The following ITPR2 variants were observed in gnomAD, a reference collection of about 807,000 sequenced individuals.
ITPR2 encodes inositol 1,4,5-trisphosphate receptor type 2, also known as inositol 1,4,5-trisphosphate-gated calcium channel ITPR2.
In ITPR2, 207 loss-of-function variants were observed where a neutral mutation model predicts 317.1. That is an observed-to-expected ratio of 0.65 (90% CI 0.58 to 0.73). The LOEUF (loss-of-function observed/expected upper bound fraction) is 0.73, where lower values mean the gene tolerates loss of function less well. ITPR2 is among the 30% of genes least tolerant of loss of function. The pLI is 0.00. For synonymous variants in ITPR2, 1,156 were observed against 1,149.1 expected (o/e 1.01, Z -0.12); for missense variants, 2,613 against 3,284.0 (o/e 0.80, Z 4.99).
intron 51 of ITPR2, 24 bp from the exon 52 acceptor site, chr12:26,411,436 T>C (rs1186077183): frequency 4.0e-6 from 6 of 1,488,396 alleles, no homozygotes; most frequent in East Asian, 2.3e-5. Flanking sequence ...AAGTAGTATA[T>C]AATATAGAGT....
intron 2 of ITPR2, among the ~76,000 whole-genome samples, chr12:26,744,100 T>C (rs936981953): frequency 1.3e-5 from 2 of 152,244 alleles, no homozygotes; most frequent in African/African-American, 4.8e-5. Context: ...CAGCAAGCAC[T>C]GTAAGCCTGT....
chr12:26,614,131 T>C (rs1181157379), intron 26 of ITPR2, among the ~76,000 whole-genome samples: 1 of 152,092 alleles, frequency 6.6e-6, no homozygotes. Flanking sequence ...TATAAACCTA[T>C]TTTAAGTACA....
intron 55 of ITPR2, among the ~76,000 whole-genome samples, chr12:26,359,197 G>C (rs1305136057): frequency 6.6e-6 from 1 of 152,184 alleles, no homozygotes; most frequent in Non-Finnish European, 1.5e-5. Context: ...AAATACAGAG[G>C]TCAAAATGGA....
At chr12:26,504,674 A>G (rs531225058) in intron 37 of ITPR2, among the ~76,000 whole-genome samples, 23 of 152,330 alleles carry the variant, frequency 1.5e-4, no homozygotes, top group South Asian at 4.1e-4. Flanking sequence ...AATCACATCA[A>G]TGTATGCTCT....
chr12:26,726,427 TGAG>T (rs1316293942), intron 2 of ITPR2, among the ~76,000 whole-genome samples: 1 of 152,196 alleles, frequency 6.6e-6, no homozygotes, highest in Non-Finnish European at 1.5e-5. Context: ...TTATTTTCAA[TGAG>T]GAGAATGGAA....
At chr12:26,530,354 G>A (rs1026856030) in intron 37 of ITPR2, among the ~76,000 whole-genome samples, 19 of 152,176 alleles carry the variant, frequency 1.2e-4, no homozygotes, top group Non-Finnish European at 1.8e-4. Flanking sequence ...AAATTATCTG[G>A]ATTACTCTCT....
chr12:26,622,884 G>A lies in ITPR2; in HGVS notation c.3123-479C>T, dbSNP rs553982360. ...ACAGGTGTGGCGTATGAGGACTCTGGGTGAGGTTCCACTGGAACAAAAGGT... is the reference window on the plus strand; with the variant it reads ...ACAGGTGTGGCGTATGAGGACTCTGAGTGAGGTTCCACTGGAACAAAAGGT... On this transcript the variant is annotated intron_variant, in intron 24 of 56. Transcript: ENST00000381340. 1.8e-4 allele frequency among the ~76,000 whole-genome samples: 27 copies of A among 152,262 alleles called. No homozygotes were observed. In the East Asian group the frequency reaches 4.6e-3, roughly 26 times the overall value.
intron 26 of ITPR2, among the ~76,000 whole-genome samples, chr12:26,606,190 GAA>G: frequency 6.7e-6 from 1 of 148,192 alleles, no homozygotes; most frequent in Non-Finnish European, 1.5e-5. Flanking sequence ...AATGGGCCTA[GAA>G]AAAAAAAAAA....
intron 45 of ITPR2, among the ~76,000 whole-genome samples, chr12:26,448,003 A>AAAAG (rs1941652121): frequency 8.1e-6 from 1 of 122,878 alleles, no homozygotes; most frequent in Non-Finnish European, 1.8e-5. Flanking sequence ...ACTTTTTTTT[A>AAAAG]AAAAAAAAAA....
Position 26,833,027 on chromosome 12 carries a change from G to A in ITPR2, c.-246C>T, listed in dbSNP as rs988336119. The A allele has an allele frequency of 6.3e-6, 3 of 475,470 alleles. No homozygotes were observed. The highest frequency in any genetic ancestry group is 5.8e-5 in the South Asian group (2 of 34,712). The allele number at this position is 475,470 out of a possible 1,614,324, so 29.5% of individuals were successfully genotyped here. On this transcript the variant is annotated 5_prime_UTR_variant, in exon 1 of 57. Coordinates refer to ENST00000381340, the MANE Select transcript of ITPR2 (RefSeq NM_002223.4). ...GAAGAGCGCAGCCCAGGCGCCCAGA[G>A]AAGCCGCAGCCGCCGCCGCCTCCCC...
chr12:26,470,174 T>C (rs2136807969), intron 45 of ITPR2, among the ~76,000 whole-genome samples: 1 of 152,342 alleles, frequency 6.6e-6, no homozygotes, highest in South Asian at 2.1e-4. Context: ...CCTCCTATAA[T>C]TCCTGCAAAT....
intron 13 of ITPR2, among the ~76,000 whole-genome samples, chr12:26,673,451 C>A (rs374683400): frequency 1.3e-5 from 2 of 151,902 alleles, no homozygotes; most frequent in Admixed American, 1.3e-4. Flanking sequence ...AACCACATGA[C>A]TATCTCAATA....
In ITPR2 at chr12:26,415,512, GA is replaced by G. The variant is rs1940694730; in HGVS notation, c.7111-15del. On this transcript the variant is annotated splice_polypyrimidine_tract_variant and intron_variant, in intron 50 of 56. Coordinates refer to ENST00000381340, the MANE Select transcript of ITPR2 (RefSeq NM_002223.4). Reference sequence around the variant, plus strand: ...CAAATCAAAAAGCTACAAAGATAAAGAAAACACTAATAAGAAAAGAAGGCAT... The same window carrying G: ...CAAATCAAAAAGCTACAAAGATAAAGAAACACTAATAAGAAAAGAAGGCAT... 1 of 1,490,500 alleles carries G rather than the reference GA, an allele frequency of 6.7e-7. No individual in the cohort carries two copies. The highest frequency in any genetic ancestry group is 9.0e-7 in the Non-Finnish European group (1 of 1,117,204). The allele number at this position is 1,490,500 out of a possible 1,614,324, so 92.3% of individuals were successfully genotyped here.
At chr12:26,644,964 C>A (rs1249040536) in intron 21 of ITPR2, among the ~76,000 whole-genome samples, 1 of 152,146 alleles carries the variant, frequency 6.6e-6, no homozygotes, top group Non-Finnish European at 1.5e-5. Context: ...TCCAGAGCTG[C>A]CTACGGGGAC....
intron 37 of ITPR2, among the ~76,000 whole-genome samples, chr12:26,522,669 T>A (rs1354064605): frequency 6.6e-6 from 1 of 152,220 alleles, no homozygotes; most frequent in Non-Finnish European, 1.5e-5. Flanking sequence ...GCAAGTTAAA[T>A]CTCACACGTC....
intron 26 of ITPR2, among the ~76,000 whole-genome samples, chr12:26,611,932 A>G (rs1300851635): frequency 6.6e-6 from 1 of 152,250 alleles, no homozygotes; most frequent in African/African-American, 2.4e-5. Context: ...TTAAGCTTTC[A>G]GAAATGATGG....
intron 22 of ITPR2, among the ~76,000 whole-genome samples, chr12:26,628,437 G>C (rs2136825074): frequency 6.6e-6 from 1 of 152,270 alleles, no homozygotes; most frequent in African/African-American, 2.4e-5. Context: ...GCATCGTGGG[G>C]GTCTGGATGA....
At chr12:26,543,766 C>T (rs1944321809) in intron 37 of ITPR2, among the ~76,000 whole-genome samples, 1 of 152,134 alleles carries the variant, frequency 6.6e-6, no homozygotes, top group Admixed American at 6.5e-5. Flanking sequence ...AAGACTCTGT[C>T]TCAAAGAAAA....
At chr12:26,454,535 T>C (rs1941830432) in intron 45 of ITPR2, among the ~76,000 whole-genome samples, 1 of 152,164 alleles carries the variant, frequency 6.6e-6, no homozygotes, top group Non-Finnish European at 1.5e-5. Context: ...ATCATTTATA[T>C]ACAACAAGAA....
Sources: allele counts gnomAD v4.1 joint callset (sites outside exome capture counted in the v4.1 genomes callset), GRCh38; gene constraint gnomAD v4.1.1; transcripts MANE v1.5; gene names NCBI Gene and HGNC (gene_info 2026-07-23, HGNC 2026-07-21).